SNTG1: variants seen among roughly 807,000 people sequenced by gnomAD.
SNTG1 encodes gamma-1-syntrophin.
A neutral mutation model predicts 74.7 loss-of-function variants in SNTG1; 39 were observed. The observed-to-expected ratio is 0.52, with a 90% confidence interval of 0.40 to 0.68. The LOEUF (loss-of-function observed/expected upper bound fraction) is 0.68. SNTG1 is among the 30% of genes least tolerant of loss of function. The pLI is 0.00. For missense variants in SNTG1, 685 were observed against 609.5 expected, an observed-to-expected ratio of 1.12 and a Z score of -1.30; for synonymous variants, 254 against 217.1, an observed-to-expected ratio of 1.17 and a Z score of -1.49.
chr8:50,649,426 G>A (rs971525355), intron 13 of SNTG1, among the ~76,000 whole-genome samples: 2 of 152,100 alleles, frequency 1.3e-5, no homozygotes, highest in South Asian at 4.1e-4. Context: ...TTGAACTCAG[G>A]AGCCGGAGGT....
At chr8:50,718,178 C>G (rs187171434) in intron 17 of SNTG1, among the ~76,000 whole-genome samples, 110 of 151,938 alleles carry the variant, frequency 7.2e-4, no homozygotes, top group African/African-American at 2.6e-3. Flanking sequence ...ATTTGTAGGT[C>G]CTGGGTGTCT....
intron 2 of SNTG1, among the ~76,000 whole-genome samples, chr8:50,191,634 C>T (rs968572967): frequency 9.2e-5 from 14 of 152,032 alleles, no homozygotes; most frequent in African/African-American, 3.4e-4. Flanking sequence ...TAGGTATACA[C>T]GTGCCATGCT....
At chr8:49,942,987 T>G (rs7828900) in intron 1 of SNTG1, among the ~76,000 whole-genome samples, 2 of 152,278 alleles carry the variant, frequency 1.3e-5, no homozygotes, top group African/African-American at 4.8e-5. Flanking sequence ...TTGCAATTTC[T>G]CTTCATAAGA....
intron 4 of SNTG1, among the ~76,000 whole-genome samples, chr8:50,417,444 A>C (rs1006680766): frequency 2.0e-5 from 3 of 152,166 alleles, no homozygotes; most frequent in Non-Finnish European, 2.9e-5. Context: ...ATGTAGAATT[A>C]TACTTATGAA....
At chr8:50,022,518 C>T (rs551293416) in intron 1 of SNTG1, among the ~76,000 whole-genome samples, 2 of 152,284 alleles carry the variant, frequency 1.3e-5, no homozygotes, top group Admixed American at 1.3e-4. Context: ...AGCTTCAGAT[C>T]CTCCCTAGCA....
At chr8:50,224,527 TCTC>T (rs1179180758) in intron 2 of SNTG1, among the ~76,000 whole-genome samples, 4 of 152,138 alleles carry the variant, frequency 2.6e-5, no homozygotes, top group African/African-American at 9.7e-5. Context: ...TCATATCTAT[TCTC>T]CTCTATCCGT....
At chr8:50,339,446 A>C (rs2091253137) in intron 2 of SNTG1, among the ~76,000 whole-genome samples, 1 of 152,018 alleles carries the variant, frequency 6.6e-6, no homozygotes, top group Non-Finnish European at 1.5e-5. Flanking sequence ...ACAATGGTCT[A>C]TATGCTGATT....
At chr8:50,270,922 C>T (rs904557570) in intron 2 of SNTG1, among the ~76,000 whole-genome samples, 1 of 152,122 alleles carries the variant, frequency 6.6e-6, no homozygotes, top group Non-Finnish European at 1.5e-5. Flanking sequence ...TTTGCGATGC[C>T]TTTGGGTATA....
At chr8:50,663,122 G>A (rs4431607) in intron 15 of SNTG1, among the ~76,000 whole-genome samples, 3 of 152,094 alleles carry the variant, frequency 2.0e-5, no homozygotes, top group Admixed American at 1.3e-4. Flanking sequence ...AGGAGGGGAG[G>A]AGCAACCTGG....
intron 1 of SNTG1, among the ~76,000 whole-genome samples, chr8:49,995,464 C>T (rs1401253603): frequency 6.6e-6 from 1 of 152,162 alleles, no homozygotes; most frequent in African/African-American, 2.4e-5. Context: ...GTGGGAAGAG[C>T]TAAGAACCCA....
intron 1 of SNTG1, among the ~76,000 whole-genome samples, chr8:49,942,612 T>C (rs551623228): frequency 6.6e-6 from 1 of 152,330 alleles, no homozygotes; most frequent in East Asian, 1.9e-4. Flanking sequence ...TTAGTTATGA[T>C]CATTTCCCAG....
At chr8:50,193,790 T>G (rs938406378) in intron 2 of SNTG1, among the ~76,000 whole-genome samples, 1 of 152,148 alleles carries the variant, frequency 6.6e-6, no homozygotes, top group African/African-American at 2.4e-5. Flanking sequence ...CCATTCAGTA[T>G]TATGTTGGCT....
At chr8:50,496,977 A>C (rs1243265963) in intron 8 of SNTG1, among the ~76,000 whole-genome samples, 4 of 86,332 alleles carry the variant, frequency 4.6e-5, no homozygotes, top group South Asian at 9.1e-4. Flanking sequence ...ATAGAAGAAA[A>C]ATTGAAAAAA....
chr8:49,972,615 C>T (rs1811799441), intron 1 of SNTG1, among the ~76,000 whole-genome samples: 1 of 150,956 alleles, frequency 6.6e-6, no homozygotes, highest in Admixed American at 6.6e-5. Flanking sequence ...GCAACCTACT[C>T]ATCTGACAAA....
intron 18 of SNTG1, among the ~76,000 whole-genome samples, chr8:50,780,967 T>C (rs907914343): frequency 7.2e-5 from 11 of 152,146 alleles, no homozygotes; most frequent in Non-Finnish European, 1.0e-4. Context: ...ACGTACCGAG[T>C]AGTCATTCAG....
chr8:50,401,225 T>A (rs574105326), intron 3 of SNTG1, among the ~76,000 whole-genome samples: 15 of 152,176 alleles, frequency 9.9e-5, no homozygotes, highest in African/African-American at 3.6e-4. Flanking sequence ...TCCTATGGAC[T>A]TTTTGGTGCC....
At chr8:50,414,982 G>T (rs2092997025) in intron 4 of SNTG1, among the ~76,000 whole-genome samples, 2 of 152,276 alleles carry the variant, frequency 1.3e-5, no homozygotes, top group East Asian at 3.9e-4. Flanking sequence ...GAACAATAAA[G>T]ATGGCTGTCT....
At chr8:50,514,988 A>G (rs2094118908) in intron 9 of SNTG1, among the ~76,000 whole-genome samples, 1 of 152,128 alleles carries the variant, frequency 6.6e-6, no homozygotes, top group African/African-American at 2.4e-5. Flanking sequence ...TTTCTTTGTG[A>G]AGGTTTTTAT....
chr8:50,737,355 C>G (rs1437159816), intron 17 of SNTG1, among the ~76,000 whole-genome samples: 1 of 151,956 alleles, frequency 6.6e-6, no homozygotes, highest in South Asian at 2.1e-4. Context: ...TAAGACTAAA[C>G]CAGGAAGAAG....
Sources: allele counts gnomAD v4.1 joint callset (sites outside exome capture counted in the v4.1 genomes callset), GRCh38; gene constraint gnomAD v4.1.1; transcripts MANE v1.5; gene names NCBI Gene and HGNC (gene_info 2026-07-23, HGNC 2026-07-21).